The following DYRK1A variants were observed in gnomAD, a reference collection of about 807,000 sequenced individuals.
The protein encoded by DYRK1A is dual specificity tyrosine-phosphorylation-regulated kinase 1A.
A neutral mutation model predicts 79.7 loss-of-function variants in DYRK1A; 9 were observed. That is an observed-to-expected ratio of 0.11 (90% CI 0.07 to 0.20). The LOEUF (loss-of-function observed/expected upper bound fraction) is 0.20, where lower values mean the gene tolerates loss of function less well. Ranked by LOEUF, DYRK1A falls within the 10% of genes least tolerant of loss-of-function variation. The probability of loss-of-function intolerance (pLI) is 1.00; values close to 1 mark genes in which losing one functional copy is unlikely to be tolerated. For missense variants in DYRK1A, 622 were observed against 956.0 expected, an observed-to-expected ratio of 0.65 and a Z score of 4.61; for synonymous variants, 349 against 329.7, an observed-to-expected ratio of 1.06 and a Z score of -0.63.
At chr21:37,463,419 C>G (rs1220883925) in intron 2 of DYRK1A, among the ~76,000 whole-genome samples, 3 of 152,144 alleles carry the variant, frequency 2.0e-5, no homozygotes, top group Non-Finnish European at 2.9e-5. Context: ...GCACTGTGTG[C>G]TTGGGATATA....
At chr21:37,391,154 G>C (rs1016275219) in intron 1 of DYRK1A, among the ~76,000 whole-genome samples, 2 of 152,230 alleles carry the variant, frequency 1.3e-5, no homozygotes, top group African/African-American at 4.8e-5. Context: ...AGTGGAGAAT[G>C]GCATTTGGAA....
intron 7 of DYRK1A, among the ~76,000 whole-genome samples, chr21:37,492,726 T>TC (rs772944103): frequency 8.5e-5 from 13 of 152,162 alleles, no homozygotes; most frequent in South Asian, 2.1e-4. Flanking sequence ...GTTTTTTTTT[T>TC]CCTAGTGAGG....
chr21:37,447,954 AAGTG>A (rs1420793639), intron 2 of DYRK1A, among the ~76,000 whole-genome samples: 1 of 152,204 alleles, frequency 6.6e-6, no homozygotes, highest in Non-Finnish European at 1.5e-5. Context: ...GTAAATTAGA[AAGTG>A]AGAGTTGCCG....
In DYRK1A at chr21:37,396,158, T is replaced by C. The variant is rs540267425; in HGVS notation, c.-76-24141T>C. On this transcript the variant is annotated intron_variant, in intron 1 of 11. Transcript: ENST00000647188. ...AGGAGAAGGGGTATAGGAGGCATAT[T>C]GTTATCTGGGTTTATTGGTTTGTGG... 1.3e-3 allele frequency among the ~76,000 whole-genome samples: 191 copies of C among 152,156 alleles called. 1 individual carries two copies. Among genetic ancestry groups the C allele is most frequent in the Admixed American group, 2.4e-3 (37 of 15,284 alleles).
intron 1 of DYRK1A, among the ~76,000 whole-genome samples, chr21:37,381,491 G>A (rs1482986201): frequency 6.6e-6 from 1 of 152,196 alleles, no homozygotes; most frequent in Non-Finnish European, 1.5e-5. Flanking sequence ...CTTAGTGGTT[G>A]TTTGGAGCAG....
chr21:37,418,892 C>T (rs1439371215), intron 1 of DYRK1A: 2 of 152,140 alleles, frequency 1.3e-5, no homozygotes, highest in Non-Finnish European at 2.9e-5. Context: ...ATTTCAGAGA[C>T]AATTCCTAAT....
intron 5 of DYRK1A, 36 bp downstream of exon 5, chr21:37,480,862 G>A (rs1208227970): frequency 1.3e-6 from 2 of 1,515,912 alleles, no homozygotes; most frequent in Non-Finnish European, 1.8e-6. Flanking sequence ...TCATTAGTTA[G>A]AAAGAACTTC....
intron 1 of DYRK1A, among the ~76,000 whole-genome samples, chr21:37,403,652 T>C (rs1361964158): frequency 4.2e-5 from 4 of 96,328 alleles, no homozygotes; most frequent in Admixed American, 1.1e-4. Flanking sequence ...AAAAAAAATA[T>C]ATATATATAT....
chr21:37,406,733 A>G (rs1327881645), intron 1 of DYRK1A, among the ~76,000 whole-genome samples: 1 of 67,322 alleles, frequency 1.5e-5, no homozygotes, highest in African/African-American at 3.9e-5. Flanking sequence ...ATATCTATGT[A>G]TATCTCTATA....
chr21:37,371,186 G>A (rs1602346693), intron 1 of DYRK1A, among the ~76,000 whole-genome samples: 1 of 152,318 alleles, frequency 6.6e-6, no homozygotes, highest in East Asian at 1.9e-4. Context: ...ACAATTTTAA[G>A]CTAGAGTTGT....
intron 11 of DYRK1A, among the ~76,000 whole-genome samples, chr21:37,508,433 G>A (rs144307437): frequency 2.0e-5 from 3 of 152,232 alleles, no homozygotes; most frequent in South Asian, 2.1e-4. Flanking sequence ...GATTACAGAC[G>A]CACATCACCA....
chr21:37,470,096 A>G (rs2052171223), intron 2 of DYRK1A, among the ~76,000 whole-genome samples: 1 of 152,198 alleles, frequency 6.6e-6, no homozygotes, highest in Non-Finnish European at 1.5e-5. Flanking sequence ...GTGAGCCGAG[A>G]TTGTGCCACT....
chr21:37,452,598 T>TA (rs1344028207), intron 2 of DYRK1A, among the ~76,000 whole-genome samples: 65 of 152,098 alleles, frequency 4.3e-4, no homozygotes, highest in Non-Finnish European at 7.2e-4. Flanking sequence ...GCCAATCTAT[T>TA]TGAGTTTGTA....
chr21:37,495,262 C>T (rs2148625595), intron 8 of DYRK1A, among the ~76,000 whole-genome samples: 1 of 151,546 alleles, frequency 6.6e-6, no homozygotes, highest in African/African-American at 2.4e-5. Context: ...GTAATCCCAG[C>T]ACTTTGGGAG....
At chr21:37,439,836 CT>C (rs1394447296) in intron 2 of DYRK1A, among the ~76,000 whole-genome samples, 1 of 152,058 alleles carries the variant, frequency 6.6e-6, no homozygotes, top group East Asian at 1.9e-4. Flanking sequence ...AATGTTTTTT[CT>C]GCATCTCCCG....
intron 2 of DYRK1A, among the ~76,000 whole-genome samples, chr21:37,453,622 T>C (rs770968427): frequency 5.9e-5 from 9 of 151,862 alleles, no homozygotes; most frequent in Non-Finnish European, 1.2e-4. Context: ...GCCTTGCTAG[T>C]TACTTCCCTG....
chr21:37,456,829 A>G (rs1043482349), intron 2 of DYRK1A, among the ~76,000 whole-genome samples: 6 of 152,154 alleles, frequency 3.9e-5, no homozygotes, highest in Admixed American at 1.3e-4. Flanking sequence ...GTGTAAGGGC[A>G]TACCGGAACA....
chr21:37,390,333 C>T (rs538481094), intron 1 of DYRK1A, among the ~76,000 whole-genome samples: 1 of 152,202 alleles, frequency 6.6e-6, no homozygotes, highest in South Asian at 2.1e-4. Flanking sequence ...TTTTCTACAC[C>T]ATTTAAACGT....
intron 7 of DYRK1A, among the ~76,000 whole-genome samples, chr21:37,491,472 T>C (rs540333601): frequency 6.6e-6 from 1 of 152,322 alleles, no homozygotes; most frequent in Non-Finnish European, 1.5e-5. Flanking sequence ...TTTTCCAAAT[T>C]AGTGAAATTT....
Sources: allele counts gnomAD v4.1 joint callset (sites outside exome capture counted in the v4.1 genomes callset), GRCh38; gene constraint gnomAD v4.1.1; transcripts MANE v1.5; gene names NCBI Gene and HGNC (gene_info 2026-07-23, HGNC 2026-07-21).